DACH2: variants seen among roughly 807,000 people sequenced by gnomAD.
DACH2 encodes the protein dachshund family transcription factor 2.
A neutral mutation model predicts 35.8 loss-of-function variants in DACH2; 17 were observed. That is an observed-to-expected ratio of 0.48 (90% confidence interval 0.33 to 0.71). The LOEUF is 0.71. DACH2 is among the 30% of genes least tolerant of loss of function. DACH2 has a pLI of 0.02. For missense variants in DACH2, 469 were observed against 472.7 expected, an observed-to-expected ratio of 0.99 and a Z score of 0.07; for synonymous variants, 195 against 177.3, an observed-to-expected ratio of 1.10 and a Z score of -0.79.
At chrX:86,359,109 G>GTGTGTGTGTT (rs2035694390) in intron 1 of DACH2, among the ~76,000 whole-genome samples, 1 of 109,018 alleles carries the variant, frequency 9.2e-6, no homozygotes, top group African/African-American at 3.3e-5. Context: ...GTGTGTGTGT[G>GTGTGTGTGTT]TGTGTTTGTG....
chrX:86,407,210 A>G (rs745782258), intron 2 of DACH2, among the ~76,000 whole-genome samples: 8 of 112,103 alleles, frequency 7.1e-5, no homozygotes, highest in South Asian at 3.7e-4. Flanking sequence ...TTGAATGAAC[A>G]TGATAAACTT....
At chrX:86,220,165 C>CAAA (rs57964243) in intron 1 of DACH2, among the ~76,000 whole-genome samples, 70 of 50,057 alleles carry the variant, frequency 1.4e-3, no homozygotes, top group African/African-American at 6.5e-3. Context: ...GACTCCATCT[C>CAAA]AAAAAAAAAA....
chrX:86,512,891 G>T (rs777032291), intron 2 of DACH2: 127 of 327,746 alleles, frequency 3.9e-4, no homozygotes, highest in Non-Finnish European at 6.6e-4. Context: ...CTGAGTTAAA[G>T]AAAATAAATT....
intron 6 of DACH2, among the ~76,000 whole-genome samples, chrX:86,721,872 G>A (rs773464179): frequency 9.0e-6 from 1 of 111,616 alleles, no homozygotes; most frequent in Non-Finnish European, 1.9e-5. Context: ...GCCAGCAGTG[G>A]AAATGAATGC....
At chrX:86,429,647 G>A (rs750855697) in intron 2 of DACH2, among the ~76,000 whole-genome samples, 1 of 109,164 alleles carries the variant, frequency 9.2e-6, no homozygotes, top group African/African-American at 3.4e-5. Flanking sequence ...TGCAACCTCC[G>A]CCTCCCAGGT....
At chrX:86,400,392 C>A (rs993144242) in intron 2 of DACH2, among the ~76,000 whole-genome samples, 2 of 111,796 alleles carry the variant, frequency 1.8e-5, no homozygotes, top group East Asian at 5.6e-4. Flanking sequence ...CAAAGTCATT[C>A]TCTGTCCAGC....
At position 86,316,842 on chromosome X, in the gene DACH2, G is replaced by A. The variant is rs767270402; in HGVS notation, c.489-59982G>A. 3.6e-4 allele frequency among the ~76,000 whole-genome samples: 40 copies of A among 111,289 alleles called. No individual in the cohort carries two copies. The South Asian group carries it at 0.012, about 34-fold the overall frequency. ...GGTTTAGAATATAGGGTCCAAGGCT[G>A]GGCACGGTGCCTCACGCCTGTAATC... On this transcript the variant is annotated intron_variant, in intron 1 of 11. Coordinates refer to ENST00000373125, the MANE Select transcript of DACH2 (RefSeq NM_053281.3).
intron 2 of DACH2, among the ~76,000 whole-genome samples, chrX:86,391,893 A>G (rs1274322327): frequency 9.0e-6 from 1 of 111,563 alleles, no homozygotes; most frequent in African/African-American, 3.3e-5. Flanking sequence ...CTTATTCTAG[A>G]TCGTGGGTAA....
rs763122253 is a variant in DACH2 at position 86,220,109 on chromosome X, T to G, written c.488+71001T>G. Reference sequence around the variant, plus strand: ...TGAGCCTGGGAGGCGGAGGTTGCAGTGAGCCGAGATCGTGCCATTGCACTC... The same window carrying G: ...TGAGCCTGGGAGGCGGAGGTTGCAGGGAGCCGAGATCGTGCCATTGCACTC... On this transcript the variant is annotated intron_variant, in intron 1 of 11. Coordinates refer to ENST00000373125, the MANE Select transcript of DACH2 (RefSeq NM_053281.3). Among the ~76,000 whole-genome samples, 6 of 93,023 alleles carry G rather than the reference T, an allele frequency of 6.5e-5. No individual in the cohort carries two copies. In the South Asian group the frequency reaches 2.6e-3, roughly 40 times the overall value. 80.8% of individuals were successfully genotyped at this position (93,023 alleles called of 115,157 possible).
intron 4 of DACH2, among the ~76,000 whole-genome samples, chrX:86,663,768 C>T (rs748253519): frequency 2.7e-5 from 3 of 111,743 alleles, no homozygotes; most frequent in Middle Eastern, 4.7e-3. Context: ...ACACCATGTC[C>T]GCTTAACCTA....
intron 11 of DACH2, among the ~76,000 whole-genome samples, chrX:86,822,415 T>C (rs1193159829): frequency 8.9e-6 from 1 of 112,171 alleles, no homozygotes; most frequent in African/African-American, 3.2e-5. Flanking sequence ...ATCCTTTAAA[T>C]AATATCCTCT....
In DACH2 at chrX:86,359,084, CG is replaced by C. The variant is rs2035692293; in HGVS notation, c.489-17739del. 1.0e-4 allele frequency among the ~76,000 whole-genome samples: 10 copies of C among 98,507 alleles called. No homozygotes were observed. The East Asian group carries it at 1.4e-3, about 14-fold the overall frequency. 85.5% of individuals were successfully genotyped at this position (98,507 alleles called of 115,157 possible). A position where few individuals can be genotyped will look rare whatever the true frequency, so the allele number is the denominator to read the frequency against. Reference sequence around the variant, plus strand: ...GAGAAATAGAACCATTATATTTTGTCGTGTGTGTGTGTGTGTGTGTGTGTGT... The same window carrying C: ...GAGAAATAGAACCATTATATTTTGTCTGTGTGTGTGTGTGTGTGTGTGTGT... On this transcript the variant is annotated intron_variant, in intron 1 of 11. Transcript: ENST00000373125.
At chrX:86,267,632 TA>T (rs1329396575) in intron 1 of DACH2, among the ~76,000 whole-genome samples, 2 of 112,137 alleles carry the variant, frequency 1.8e-5, no homozygotes, top group Non-Finnish European at 3.8e-5. Flanking sequence ...CCCTCATTTG[TA>T]AAACGATGTG....
chrX:86,166,404 C>T (rs758754385), intron 1 of DACH2, among the ~76,000 whole-genome samples: 105 of 111,522 alleles, frequency 9.4e-4, no homozygotes, highest in African/African-American at 3.2e-3. Flanking sequence ...GATATTTGTA[C>T]GTTGATTTTG....
intron 7 of DACH2, among the ~76,000 whole-genome samples, chrX:86,796,908 T>A (rs776690098): frequency 8.9e-6 from 1 of 111,733 alleles, no homozygotes; most frequent in Non-Finnish European, 1.9e-5. Context: ...GTTTTTTTTT[T>A]CTATACATAC....
intron 1 of DACH2, among the ~76,000 whole-genome samples, chrX:86,293,112 G>T (rs1190770174): frequency 3.1e-5 from 3 of 95,716 alleles, no homozygotes; most frequent in Non-Finnish European, 6.2e-5. Flanking sequence ...GGGTGCTCCT[G>T]TATTGGGTGC....
intron 6 of DACH2, among the ~76,000 whole-genome samples, chrX:86,733,328 CTTG>C (rs1483771650): frequency 1.8e-5 from 2 of 111,662 alleles, no homozygotes; most frequent in South Asian, 3.7e-4. Context: ...ACAAATGTTT[CTTG>C]TTGTTTTTTG....
At chrX:86,555,168 C>G (rs1279993761) in intron 3 of DACH2, among the ~76,000 whole-genome samples, 1 of 111,801 alleles carries the variant, frequency 8.9e-6, no homozygotes, top group East Asian at 2.8e-4. Flanking sequence ...AGCATAATAT[C>G]TTAAGTAACG....
chrX:86,477,743 T>C (rs1406584555), intron 2 of DACH2, among the ~76,000 whole-genome samples: 1 of 111,334 alleles, frequency 9.0e-6, no homozygotes, highest in East Asian at 2.8e-4. Flanking sequence ...TCCTCCTTCT[T>C]TCCTTTATTT....
Sources: gnomAD v4.1 joint callset for allele counts (sites outside exome capture counted in the v4.1 genomes callset) on GRCh38, gnomAD v4.1.1 for gene constraint, MANE v1.5 for transcripts, NCBI Gene and HGNC (gene_info 2026-07-23, HGNC 2026-07-21) for gene names.